RAD17: variants seen among roughly 807,000 people sequenced by gnomAD.
The protein encoded by RAD17 is cell cycle checkpoint protein RAD17.
Under a neutral mutation model 81.5 loss-of-function variants are expected in RAD17, and 31 were observed. The ratio of observed to expected loss-of-function variants is 0.38; its 90% CI spans 0.29 to 0.51. RAD17 has a LOEUF of 0.51. Ranked by LOEUF, RAD17 falls within the 20% of genes least tolerant of loss-of-function variation. The pLI, the probability that RAD17 is intolerant of heterozygous loss-of-function variation, is 0.88. For missense variants in RAD17, 681 were observed against 781.2 expected, an observed-to-expected ratio of 0.87 and a Z score of 1.53; for synonymous variants, 261 against 266.2, an observed-to-expected ratio of 0.98 and a Z score of 0.19.
intron 12 of RAD17, among the ~76,000 whole-genome samples, chr5:69,391,437 A>T (rs185685249): frequency 1.3e-5 from 2 of 152,268 alleles, no homozygotes; most frequent in Non-Finnish European, 2.9e-5. Context: ...GCATTATACG[A>T]ATTGAAAATC....
chr5:69,408,179 T>C lies in RAD17; in HGVS notation c.1694-2314T>C, dbSNP rs139377089. Among the ~76,000 whole-genome samples the C allele has an allele frequency of 1.6e-4, 25 of 151,586 alleles. No homozygotes were observed. The East Asian group carries it at 4.8e-3, about 29-fold the overall frequency. On this transcript the variant is annotated intron_variant, in intron 17 of 18. Coordinates refer to ENST00000354868, the MANE Select transcript of RAD17 (RefSeq NM_133338.3). ...TGTGTAGGTCACACTTTCCTGTTTC[T>C]TTACAGTCATAATTTTTTGTTGAAA... is the stretch of plus-strand genomic sequence containing the variant.
chr5:69,412,191 C>T (rs1249770014), intron 18 of RAD17, among the ~76,000 whole-genome samples: 1 of 152,078 alleles, frequency 6.6e-6, no homozygotes, highest in Non-Finnish European at 1.5e-5. Flanking sequence ...CTCCTGACCT[C>T]GTGATCCGCC....
intron 6 of RAD17, among the ~76,000 whole-genome samples, chr5:69,375,234 T>G (rs749019109): frequency 1.3e-5 from 2 of 152,248 alleles, no homozygotes; most frequent in Non-Finnish European, 2.9e-5. Flanking sequence ...TCTTTTTCTT[T>G]ATGTCTTATT....
chr5:69,399,098 A>G lies in RAD17; in HGVS notation c.1573-951A>G, dbSNP rs149605802. 2.4e-3 allele frequency among the ~76,000 whole-genome samples: 372 copies of G among 152,200 alleles called. 2 individuals are homozygous for G. The highest frequency in any genetic ancestry group is 8.5e-3 in the African/African-American group (354 of 41,536). On this transcript the variant is annotated intron_variant, in intron 16 of 18. Coordinates refer to ENST00000354868, the MANE Select transcript of RAD17 (RefSeq NM_133338.3). ...CAATATAGTGAGATCCCATATCTAC[A>G]GGAAAAAGGAAAAATTTTTTTTGTT...
chr5:69,377,980 A>G (rs1763621434), intron 6 of RAD17, among the ~76,000 whole-genome samples: 1 of 151,800 alleles, frequency 6.6e-6, no homozygotes, highest in Non-Finnish European at 1.5e-5. Flanking sequence ...ATTTTTTTGT[A>G]GAGATGGGGT....
Position 69,385,041 on chromosome 5 carries a change from G to A in RAD17, c.645+108G>A, listed in dbSNP as rs552665419. 599 of 966,538 alleles carry A rather than the reference G, an allele frequency of 6.2e-4. 2 individuals are homozygous for A. The highest frequency in any genetic ancestry group is 7.8e-4 in the Non-Finnish European group (551 of 708,232). 59.9% of individuals were successfully genotyped at this position (966,538 alleles called of 1,614,324 possible). ...GTGGCGCGATCTCAGCTCATTGCAA[G>A]CTCTGCCTCCCAGGTTCACGCCATT... On this transcript the variant is annotated intron_variant, in intron 8 of 18. Transcript: ENST00000354868.
At chr5:69,391,199 C>T (rs951797481) in intron 12 of RAD17, among the ~76,000 whole-genome samples, 7 of 149,460 alleles carry the variant, frequency 4.7e-5, no homozygotes, top group Non-Finnish European at 1.0e-4. Context: ...CACTGCACTC[C>T]AGCCTGGGCA....
intron 6 of RAD17, among the ~76,000 whole-genome samples, chr5:69,381,500 T>C (rs1763857447): frequency 6.6e-6 from 1 of 151,668 alleles, no homozygotes; most frequent in African/African-American, 2.4e-5. Flanking sequence ...AAAGAATAAA[T>C]TTTATGAGTT....
rs756604540 is a variant in RAD17, at chr5:69,374,666, C to T, written c.306C>T (p.Val102=). 7 of 1,611,526 alleles carry T rather than the reference C, an allele frequency of 4.3e-6. No individual in the cohort carries two copies. The highest frequency in any genetic ancestry group is 3.3e-5 in the South Asian group (3 of 90,290). Residue 102 remains valine (V), a synonymous_variant, in exon 6 of 19, where the codon GTC becomes GTT. Transcript: ENST00000354868. ...LAVHKKKIEE[V]ETWLKAQVLE... ...TGCATAAAAAGAAAATTGAAGAAGT[C>T]GAAACCTGGTTAAAAGCTCAAGTTT...
rs139436213 is a variant in RAD17 at position 69,384,867 on chromosome 5, A to G, written c.579A>G (p.Thr193=). Residue 193 remains threonine (T), a synonymous_variant, in exon 8 of 19, where the codon ACA becomes ACG. Coordinates refer to ENST00000354868, the MANE Select transcript of RAD17 (RefSeq NM_133338.3). ...TCAAAGAGTTTCTACTAAGAGCGAC[A>G]AAGTATAACAAGTTACAAATGCTTG... ...AVFKEFLLRA[T]KYNKLQMLGD... is the part of the protein sequence containing the mutation. 1.3e-4 allele frequency: 203 copies of G among 1,613,146 alleles called. No individual in the cohort carries two copies. Among genetic ancestry groups the G allele is most frequent in the Non-Finnish European group, 1.5e-4 (180 of 1,179,310 alleles).
intron 13 of RAD17, 67 bp from the exon 14 acceptor site, chr5:69,393,088 C>A: frequency 9.3e-7 from 1 of 1,080,432 alleles, no homozygotes. Flanking sequence ...TCAAACTCTT[C>A]AAATGAGAGG....
chr5:69,413,576 A>G (rs1766163762), intron 18 of RAD17, among the ~76,000 whole-genome samples: 1 of 152,138 alleles, frequency 6.6e-6, no homozygotes, highest in Non-Finnish European at 1.5e-5. Context: ...GCTCTGTCGT[A>G]CAGGCTGGAG....
intron 12 of RAD17, among the ~76,000 whole-genome samples, chr5:69,390,101 T>C (rs1206668679): frequency 6.6e-6 from 1 of 152,246 alleles, no homozygotes; most frequent in Non-Finnish European, 1.5e-5. Context: ...ACATTTTTAC[T>C]GTAATGGTCA....
chr5:69,392,425 C>G (rs978213844), intron 13 of RAD17, among the ~76,000 whole-genome samples: 5 of 152,184 alleles, frequency 3.3e-5, no homozygotes, highest in Non-Finnish European at 7.3e-5. Flanking sequence ...TACAAGCGTT[C>G]TGTCTCCCCA....
intron 4 of RAD17, among the ~76,000 whole-genome samples, chr5:69,373,297 T>G (rs1455981128): frequency 6.6e-6 from 1 of 152,228 alleles, no homozygotes; most frequent in Non-Finnish European, 1.5e-5. Flanking sequence ...AAAAATAAGT[T>G]TGTGTTCTTT....
intron 6 of RAD17, among the ~76,000 whole-genome samples, chr5:69,380,037 C>T (rs984986433): frequency 7.2e-5 from 11 of 152,006 alleles, no homozygotes; most frequent in Non-Finnish European, 1.3e-4. Context: ...TGCACCACCA[C>T]GCCCGGGTAG....
chr5:69,383,368 A>G (rs1763972498), intron 7 of RAD17, among the ~76,000 whole-genome samples: 1 of 150,324 alleles, frequency 6.7e-6, no homozygotes, highest in Non-Finnish European at 1.5e-5. Flanking sequence ...TCTTTTCTTT[A>G]TTATTATTAT....
intron 17 of RAD17, among the ~76,000 whole-genome samples, chr5:69,409,647 T>C (rs994800340): frequency 5.3e-5 from 8 of 152,232 alleles, no homozygotes; most frequent in Non-Finnish European, 1.0e-4. Flanking sequence ...AAGTTTACTA[T>C]GTCATTCTTT....
At chr5:69,372,480 C>T (rs944677574) in intron 4 of RAD17, among the ~76,000 whole-genome samples, 1 of 152,006 alleles carries the variant, frequency 6.6e-6, no homozygotes, top group Non-Finnish European at 1.5e-5. Context: ...TTTTTGTTAG[C>T]CAGGCAGTAG....
Sources: gnomAD v4.1 joint callset for allele counts (sites outside exome capture counted in the v4.1 genomes callset) on GRCh38, gnomAD v4.1.1 for gene constraint, MANE v1.5 for transcripts, NCBI Gene and HGNC (gene_info 2026-07-23, HGNC 2026-07-21) for gene names.